Variants in PTPA observed in about 807,000 individuals in gnomAD.
PTPA encodes the protein serine/threonine-protein phosphatase 2A activator.
Under a neutral mutation model 43.6 loss-of-function variants are expected in PTPA, and 13 were observed. The ratio of observed to expected loss-of-function variants is 0.30; its 90% CI spans 0.19 to 0.47. The LOEUF (loss-of-function observed/expected upper bound fraction) is 0.47, where lower values mean the gene tolerates loss of function less well. Ranked by LOEUF, PTPA falls within the 20% of genes least tolerant of loss-of-function variation. The pLI, the probability that PTPA is intolerant of heterozygous loss-of-function variation, is 0.99. For synonymous variants in PTPA, 172 were observed against 158.2 expected, an observed-to-expected ratio of 1.09 and a Z score of -0.66; for missense variants, 329 against 411.9, an observed-to-expected ratio of 0.80 and a Z score of 1.74.
chr9:129,122,242 A>C (rs1464603294), intron 2 of PTPA, among the ~76,000 whole-genome samples: 1 of 152,102 alleles, frequency 6.6e-6, no homozygotes, highest in Non-Finnish European at 1.5e-5. Flanking sequence ...AGCTGGGACC[A>C]CAGGCACGTA....
intron 1 of PTPA, among the ~76,000 whole-genome samples, chr9:129,112,946 C>CCA (rs1554728890): frequency 0.082 from 11,950 of 145,758 alleles, 594 homozygotes; most frequent in Non-Finnish European, 0.13. Context: ...CGTCACCCCC[C>CCA]AAAAAAAAAA....
At chr9:129,123,335 G>A (rs941347710) in intron 3 of PTPA, among the ~76,000 whole-genome samples, 197 bp downstream of exon 3, 2 of 152,054 alleles carry the variant, frequency 1.3e-5, no homozygotes, top group African/African-American at 4.8e-5. Context: ...AGCCGGGTGT[G>A]GTGACGGGCG....
At position 129,120,507 on chromosome 9, in the gene PTPA, G is replaced by C; in HGVS notation, c.32-6G>C. 1 of 1,561,560 alleles carries C rather than the reference G, an allele frequency of 6.4e-7. No individual in the cohort carries two copies. The highest frequency in any genetic ancestry group is 8.7e-7 in the Non-Finnish European group (1 of 1,150,402). ...TCTGTTTGTTTTTTCATTTTTTTTT[G>C]TCAAGATTCTTCAGAGGAGGCCCCT... On this transcript the variant is annotated splice_polypyrimidine_tract_variant and splice_region_variant and intron_variant, in intron 1 of 9. Coordinates refer to ENST00000393370, the MANE Select transcript of PTPA (RefSeq NM_178000.3).
At chr9:129,128,326 G>A (rs1437127047) in intron 3 of PTPA, among the ~76,000 whole-genome samples, 1 of 152,076 alleles carries the variant, frequency 6.6e-6, no homozygotes. Flanking sequence ...ACTTGAGGTC[G>A]GGAGTTTGAG....
chr9:129,111,418 G>A lies in PTPA; in HGVS notation c.-183G>A. 1 of 1,215,022 alleles carries A rather than the reference G, an allele frequency of 8.2e-7. No homozygotes were observed. The highest frequency in any genetic ancestry group is 1.0e-6 in the Non-Finnish European group (1 of 969,558). 75.3% of individuals were successfully genotyped at this position (1,215,022 alleles called of 1,614,324 possible). ...GCTTGCTCCCTGAGCGCCCCGCACCGACATGGCGGCCGTCTTCGCTGTGGT... is the reference window on the plus strand; with the variant it reads ...GCTTGCTCCCTGAGCGCCCCGCACCAACATGGCGGCCGTCTTCGCTGTGGT... On this transcript the variant is annotated 5_prime_UTR_variant, in exon 1 of 10. Transcript: ENST00000393370.
intron 3 of PTPA, among the ~76,000 whole-genome samples, chr9:129,126,427 G>A (rs1181142517): frequency 2.6e-5 from 4 of 151,980 alleles, no homozygotes; most frequent in Non-Finnish European, 4.4e-5. Flanking sequence ...TGATCTGCCC[G>A]TCTTGGCCTC....
chr9:129,137,112 G>A (rs960472358), intron 7 of PTPA, among the ~76,000 whole-genome samples: 2 of 152,238 alleles, frequency 1.3e-5, no homozygotes, highest in African/African-American at 4.8e-5. Context: ...TTCAGGATGG[G>A]CGTAGGTGAT....
At chr9:129,142,337 T>TG (rs1351046020) in intron 8 of PTPA, 108 bp from the exon 9 acceptor site, 77 of 986,022 alleles carry the variant, frequency 7.8e-5, no homozygotes, top group African/African-American at 6.0e-4. Context: ...TGCGTGTGCG[T>TG]TTGTGTGTGT....
At chr9:129,116,095 A>G (rs1241078103) in intron 1 of PTPA, among the ~76,000 whole-genome samples, 1 of 150,344 alleles carries the variant, frequency 6.7e-6, no homozygotes, top group Admixed American at 6.6e-5. Context: ...ACCTCGGCTC[A>G]CTGCAACCTC....
chr9:129,120,603 G>A lies in PTPA; in HGVS notation c.122G>A (p.Arg41His), dbSNP rs189327703. ...GTTCCAGACATGGGCAAATGGAAGC[G>A]TTCTCAGGTACCATTTGGAACTGTG... ...HTVPDMGKWK[R>H]SQAYADYIGF... Residue 41 changes from arginine to histidine, a missense_variant, in exon 2 of 10, where the codon CGT becomes CAT. Transcript: ENST00000393370. 7.4e-6 allele frequency: 12 copies of A among 1,611,448 alleles called. No individual in the cohort carries two copies. In the Admixed American group the frequency reaches 1.0e-4, roughly 13 times the overall value.
chr9:129,139,125 G>GC, intron 8 of PTPA, among the ~76,000 whole-genome samples: 1 of 152,344 alleles, frequency 6.6e-6, no homozygotes, highest in Non-Finnish European at 1.5e-5. Context: ...CCGGCGGCTG[G>GC]CCAGGCCTCT....
chr9:129,130,942 T>G (rs1170734989), intron 4 of PTPA, among the ~76,000 whole-genome samples: 1 of 152,262 alleles, frequency 6.6e-6, no homozygotes. Context: ...TGGCTTCTTT[T>G]GCTCAATGTC....
At chr9:129,125,538 C>T (rs542455469) in intron 3 of PTPA, among the ~76,000 whole-genome samples, 58 of 152,262 alleles carry the variant, frequency 3.8e-4, no homozygotes, top group East Asian at 7.7e-4. Context: ...CTGCTGCGCC[C>T]GGCCCAGGTA....
At chr9:129,111,904 C>T in intron 1 of PTPA, 6 of 774,312 alleles carry the variant, frequency 7.7e-6, no homozygotes, top group Non-Finnish European at 1.0e-5. Flanking sequence ...GGGTGGGCAG[C>T]GCCGTGGTCA....
intron 8 of PTPA, chr9:129,140,079 C>G (rs1335517024): frequency 6.6e-6 from 1 of 152,566 alleles, no homozygotes; most frequent in African/African-American, 2.4e-5. Context: ...GCCCATCCCC[C>G]CAGTTACTGA....
chr9:129,137,359 C>G (rs1564197400), intron 7 of PTPA, among the ~76,000 whole-genome samples: 1 of 152,222 alleles, frequency 6.6e-6, no homozygotes, highest in Non-Finnish European at 1.5e-5. Context: ...CCCCAGTGTC[C>G]AGGTGAGGAA....
In PTPA at chr9:129,143,249, G is replaced by A. The variant is rs1045558478; in HGVS notation, c.894+697G>A. 7 of 697,344 alleles carry A rather than the reference G, an allele frequency of 1.0e-5. No homozygotes were observed. The African/African-American group carries it at 1.2e-4, about 12-fold the overall frequency. 43.2% of individuals were successfully genotyped at this position (697,344 alleles called of 1,614,324 possible). On this transcript the variant is annotated intron_variant, in intron 9 of 9. Transcript: ENST00000393370. The stretch of plus-strand genomic sequence containing the variant: ...ATTTTATTTCTACTCTGTCCCTTCT[G>A]CTAGCTCCTCCCACTTCCTGGGAAG...
chr9:129,130,370 C>T (rs186750264), intron 4 of PTPA, among the ~76,000 whole-genome samples: 2 of 151,596 alleles, frequency 1.3e-5, no homozygotes, highest in East Asian at 1.9e-4. Flanking sequence ...TCCCAAGAGA[C>T]GCCCGGGCCT....
intron 8 of PTPA, among the ~76,000 whole-genome samples, chr9:129,138,432 G>C (rs990439952): frequency 6.6e-6 from 1 of 152,196 alleles, no homozygotes; most frequent in African/African-American, 2.4e-5. Context: ...AAACACACGT[G>C]CCAGGCGACT....
Sources: allele counts gnomAD v4.1 joint callset (sites outside exome capture counted in the v4.1 genomes callset), GRCh38; gene constraint gnomAD v4.1.1; transcripts MANE v1.5; gene names NCBI Gene and HGNC (gene_info 2026-07-23, HGNC 2026-07-21).